CELF2: variants seen among roughly 807,000 people sequenced by gnomAD.
CELF2 encodes the protein CUG triplet repeat RNA-binding protein 2.
A neutral mutation model predicts 62.6 loss-of-function variants in CELF2; 8 were observed. The ratio of observed to expected loss-of-function variants is 0.13; its 90% confidence interval spans 0.07 to 0.23. The LOEUF (loss-of-function observed/expected upper bound fraction) is 0.23. Ranked by LOEUF, CELF2 falls within the 10% of genes least tolerant of loss-of-function variation. The pLI is 1.00. For synonymous variants in CELF2, 258 were observed against 250.0 expected (o/e 1.03, Z -0.30); for missense variants, 333 against 671.0 (o/e 0.50, Z 5.56).
chr10:10,473,271 C>A, the CELF2 span, among the ~76,000 whole-genome samples: 1 of 151,828 alleles, frequency 6.6e-6, no homozygotes, highest in African/African-American at 2.4e-5. Context: ...AGGCAGAGAC[C>A]AGAGTTACAT....
the CELF2 span, among the ~76,000 whole-genome samples, chr10:10,469,452 C>A: frequency 2.0e-5 from 3 of 151,858 alleles, no homozygotes; most frequent in Admixed American, 2.0e-4. Flanking sequence ...AGAGACTTCA[C>A]CACATAAAGG....
chr10:11,083,986 G>A (rs1258936496), intron 1 of CELF2, among the ~76,000 whole-genome samples: 2 of 152,152 alleles, frequency 1.3e-5, no homozygotes, highest in African/African-American at 2.4e-5. Context: ...TCAATCCAGG[G>A]GCCCAGACCC....
At chr10:10,944,500 C>T (rs2047425298) in intron 2 of CELF2, among the ~76,000 whole-genome samples, 1 of 152,174 alleles carries the variant, frequency 6.6e-6, no homozygotes, top group African/African-American at 2.4e-5. Flanking sequence ...AATATAGGAA[C>T]TTCATTTCAT....
intron 9 of CELF2, among the ~76,000 whole-genome samples, chr10:11,312,593 A>AG (rs2140492972): frequency 6.6e-6 from 1 of 152,358 alleles, no homozygotes; most frequent in Non-Finnish European, 1.5e-5. Flanking sequence ...ATGAAAGAGT[A>AG]GGAATACTAT....
At chr10:11,041,348 A>C (rs889960438) in intron 1 of CELF2, among the ~76,000 whole-genome samples, 1 of 152,136 alleles carries the variant, frequency 6.6e-6, no homozygotes, top group East Asian at 1.9e-4. Context: ...CCCGAGAGAG[A>C]GAGGGAGACA....
At chr10:10,619,166 T>A in the CELF2 span, among the ~76,000 whole-genome samples, 2 of 152,160 alleles carry the variant, frequency 1.3e-5, no homozygotes, top group Non-Finnish European at 2.9e-5. Context: ...CAAGCTTGCT[T>A]ATTTATGTCT....
intron 2 of CELF2, among the ~76,000 whole-genome samples, chr10:11,181,948 C>T (rs1034114782): frequency 6.6e-6 from 1 of 152,194 alleles, no homozygotes; most frequent in Non-Finnish European, 1.5e-5. Flanking sequence ...GGTTTTGAAT[C>T]AGCTGATGGG....
chr10:10,580,289 A>T, the CELF2 span, among the ~76,000 whole-genome samples: 21 of 152,150 alleles, frequency 1.4e-4, no homozygotes, highest in African/African-American at 5.1e-4. Context: ...GTCTCCCCCA[A>T]TTCATAAGTG....
chr10:10,538,806 C>T, the CELF2 span, among the ~76,000 whole-genome samples: 11 of 152,346 alleles, frequency 7.2e-5, no homozygotes, highest in East Asian at 1.9e-3. Flanking sequence ...GTTACACCCA[C>T]ATGGTCTTAT....
chr10:10,833,013 C>CTATGTG (rs373885422), intron 1 of CELF2, among the ~76,000 whole-genome samples: 8 of 144,508 alleles, frequency 5.5e-5, no homozygotes, highest in African/African-American at 2.1e-4. Context: ...ACAGAAAACT[C>CTATGTG]TGTGTGTGTG....
the CELF2 span, among the ~76,000 whole-genome samples, chr10:10,666,972 C>T: frequency 3.3e-5 from 5 of 151,950 alleles, no homozygotes; most frequent in Admixed American, 1.3e-4. Context: ...CATACACATA[C>T]GTTCATGCAC....
chr10:11,140,254 G>A (rs2061109881), intron 1 of CELF2, among the ~76,000 whole-genome samples: 2 of 152,078 alleles, frequency 1.3e-5, no homozygotes, highest in South Asian at 4.1e-4. Context: ...TTTTTGTTTT[G>A]TTTAGGAGAC....
chr10:10,499,851 T>C, the CELF2 span, among the ~76,000 whole-genome samples: 20 of 152,260 alleles, frequency 1.3e-4, no homozygotes, highest in African/African-American at 4.1e-4. Flanking sequence ...GCACTCCAGC[T>C]TGGGCAACAG....
the CELF2 span, among the ~76,000 whole-genome samples, chr10:10,754,167 C>G: frequency 2.2e-5 from 3 of 134,992 alleles, no homozygotes; most frequent in African/African-American, 8.3e-5. Context: ...TTTTTTGAGA[C>G]AGAGTCTTAC....
Position 11,184,925 on chromosome 10 carries a change from A to C in CELF2, c.271+19243A>C, listed in dbSNP as rs190434062. Among the ~76,000 whole-genome samples, 788 of 151,816 alleles carry C rather than the reference A, an allele frequency of 5.2e-3. 14 individuals are homozygous for C. Among genetic ancestry groups the C allele is most frequent in the African/African-American group, 0.018 (738 of 41,060 alleles). ...ACGTCCACTATGGAGGTGAATAGAA[A>C]TAGTGAGAGCAGACATTATTATCAT... On this transcript the variant is annotated intron_variant, in intron 2 of 12. Coordinates refer to ENST00000633077, the MANE Select transcript of CELF2 (RefSeq NM_001326342.2).
At chr10:10,661,791 G>C in the CELF2 span, among the ~76,000 whole-genome samples, 3 of 152,134 alleles carry the variant, frequency 2.0e-5, no homozygotes, top group Non-Finnish European at 4.4e-5. Context: ...GAACATATTA[G>C]GCAGGAAGGG....
the CELF2 span, among the ~76,000 whole-genome samples, chr10:10,779,170 C>T: frequency 6.6e-6 from 1 of 152,194 alleles, no homozygotes; most frequent in East Asian, 1.9e-4. Context: ...TTACAGCTCA[C>T]AGACTGTGTT....
At chr10:11,082,584 C>G (rs1435602808) in intron 1 of CELF2, among the ~76,000 whole-genome samples, 1 of 152,232 alleles carries the variant, frequency 6.6e-6, no homozygotes, top group Non-Finnish European at 1.5e-5. Context: ...TCTCAAGTCT[C>G]TGATCTGTAA....
At chr10:11,031,934 A>G (rs984465481) in intron 1 of CELF2, among the ~76,000 whole-genome samples, 3 of 152,164 alleles carry the variant, frequency 2.0e-5, no homozygotes, top group Middle Eastern at 3.4e-3. Context: ...TTAGCGCTTC[A>G]TTTGCTCCAT....
Sources: allele counts gnomAD v4.1 joint callset (sites outside exome capture counted in the v4.1 genomes callset), GRCh38; gene constraint gnomAD v4.1.1; transcripts MANE v1.5; gene names NCBI Gene and HGNC (gene_info 2026-07-23, HGNC 2026-07-21).